ZNF438: variants seen among roughly 807,000 people sequenced by gnomAD.
ZNF438 encodes zinc finger protein 438.
Under a neutral mutation model 38.0 loss-of-function variants are expected in ZNF438, and 25 were observed. The observed-to-expected ratio is 0.66, with a 90% CI of 0.48 to 0.92. The LOEUF is 0.92. Among genes scored for constraint, ZNF438 ranks in the 40% least tolerant of loss-of-function variants. ZNF438 has a pLI of 0.00. For missense variants in ZNF438, 1,007 were observed against 999.6 expected, an observed-to-expected ratio of 1.01 and a Z score of -0.10; for synonymous variants, 372 against 364.1, an observed-to-expected ratio of 1.02 and a Z score of -0.25.
intron 1 of ZNF438, among the ~76,000 whole-genome samples, chr10:30,986,759 G>A (rs915243302): frequency 2.0e-5 from 3 of 152,162 alleles, no homozygotes; most frequent in East Asian, 3.9e-4. Flanking sequence ...TGAGGATTGT[G>A]TTGAGCATCA....
At chr10:31,009,456 T>C (rs1348279790) in intron 1 of ZNF438, among the ~76,000 whole-genome samples, 1 of 152,226 alleles carries the variant, frequency 6.6e-6, no homozygotes, top group African/African-American at 2.4e-5. Flanking sequence ...CTATCTATTA[T>C]ACAACCTAAC....
At chr10:30,874,054 A>G (rs2037925449) in intron 4 of ZNF438, among the ~76,000 whole-genome samples, 1 of 149,034 alleles carries the variant, frequency 6.7e-6, no homozygotes, top group East Asian at 1.9e-4. Flanking sequence ...AATTATGTAC[A>G]TGCAATTAAA....
At chr10:30,951,864 A>G (rs2048244256) in intron 1 of ZNF438, among the ~76,000 whole-genome samples, 2 of 151,726 alleles carry the variant, frequency 1.3e-5, no homozygotes, top group Non-Finnish European at 2.9e-5. Context: ...CCATCAAGCT[A>G]CCAATGCCTT....
chr10:30,879,192 T>C (rs1228512644), intron 3 of ZNF438, among the ~76,000 whole-genome samples: 1 of 152,150 alleles, frequency 6.6e-6, no homozygotes, highest in Admixed American at 6.5e-5. Flanking sequence ...ACGGGAATAT[T>C]GCCTGTTCCC....
chr10:31,030,567 C>T (rs1027420281), intron 1 of ZNF438, among the ~76,000 whole-genome samples: 2 of 152,166 alleles, frequency 1.3e-5, no homozygotes, highest in Admixed American at 1.3e-4. Flanking sequence ...AACAAAGTTC[C>T]AAGTTTGCGT....
At chr10:30,891,477 G>T (rs572210993) in intron 3 of ZNF438, among the ~76,000 whole-genome samples, 9 of 152,208 alleles carry the variant, frequency 5.9e-5, no homozygotes, top group African/African-American at 1.9e-4. Flanking sequence ...AAGTTTATTT[G>T]ATTTGTATAG....
chr10:30,977,164 C>T (rs1361705515), intron 1 of ZNF438, among the ~76,000 whole-genome samples: 1 of 152,158 alleles, frequency 6.6e-6, no homozygotes, highest in Admixed American at 6.5e-5. Context: ...CAAAAAGGAA[C>T]TCTTGGCATG....
intron 3 of ZNF438, among the ~76,000 whole-genome samples, chr10:30,894,229 A>C (rs1173379655): frequency 6.6e-6 from 1 of 152,250 alleles, no homozygotes; most frequent in Non-Finnish European, 1.5e-5. Context: ...CCAAAAGAAA[A>C]TAAAAAGGGA....
chr10:31,009,575 T>C (rs890380686), intron 1 of ZNF438, among the ~76,000 whole-genome samples: 2 of 152,214 alleles, frequency 1.3e-5, no homozygotes, highest in Non-Finnish European at 2.9e-5. Flanking sequence ...TCCATGAACA[T>C]GATCCAATCC....
At chr10:30,869,095 G>A (rs550609179) in intron 4 of ZNF438, among the ~76,000 whole-genome samples, 8 of 152,272 alleles carry the variant, frequency 5.3e-5, no homozygotes, top group Admixed American at 2.6e-4. Context: ...TATTTCGGCC[G>A]GCCACAGTGG....
intron 3 of ZNF438, among the ~76,000 whole-genome samples, chr10:30,895,860 TG>T (rs755666149): frequency 2.6e-4 from 40 of 152,164 alleles, no homozygotes; most frequent in Non-Finnish European, 1.6e-4. Context: ...TAACAAATGT[TG>T]GTGAGGATAT....
At position 30,925,135 on chromosome 10, in the gene ZNF438, G is replaced by C. The variant is rs562732104; in HGVS notation, c.-114-16120C>G. Reference sequence around the variant, plus strand: ...GACAATTAAGTCATTTGCCAATAATGACAGTGTTTTTCTCCTTTTCCATTC... The same window carrying C: ...GACAATTAAGTCATTTGCCAATAATCACAGTGTTTTTCTCCTTTTCCATTC... On this transcript the variant is annotated intron_variant, in intron 2 of 5. Transcript: ENST00000413025. Among the ~76,000 whole-genome samples, 235 of 152,214 alleles carry C rather than the reference G, an allele frequency of 1.5e-3. 1 individual carries two copies. Among genetic ancestry groups the C allele is most frequent in the African/African-American group, 5.5e-3 (228 of 41,548 alleles).
At chr10:30,944,908 G>C (rs1219112852) in intron 1 of ZNF438, among the ~76,000 whole-genome samples, 2 of 151,900 alleles carry the variant, frequency 1.3e-5, no homozygotes, top group East Asian at 1.9e-4. Context: ...AATGTTTCCT[G>C]TTTATTCTTA....
At chr10:30,917,924 T>C (rs1026264328) in intron 2 of ZNF438, among the ~76,000 whole-genome samples, 4 of 152,176 alleles carry the variant, frequency 2.6e-5, no homozygotes, top group Non-Finnish European at 5.9e-5. Flanking sequence ...TAAATTCGTA[T>C]GGCTTTAGCT....
At chr10:30,901,693 G>A (rs547307238) in intron 3 of ZNF438, among the ~76,000 whole-genome samples, 84 of 151,548 alleles carry the variant, frequency 5.5e-4, no homozygotes, top group African/African-American at 1.9e-3. Context: ...ACCGCTTGGC[G>A]ATAGGCGATG....
intron 3 of ZNF438, among the ~76,000 whole-genome samples, chr10:30,888,180 C>T (rs1037561476): frequency 1.1e-4 from 17 of 152,042 alleles, no homozygotes; most frequent in Admixed American, 1.3e-4. Flanking sequence ...CTATTAAGCA[C>T]GGACCACTTA....
Position 30,953,349 on chromosome 10 carries a change from A to G in ZNF438, c.-191-11698T>C, listed in dbSNP as rs3104000. On this transcript the variant is annotated intron_variant, in intron 1 of 5. Transcript: ENST00000413025. ...GCGCACCAGCGTGGCACATGTATAC[A>G]TATGTAACTAACCTGCACAATGTGC... is the stretch of plus-strand genomic sequence containing the variant. 2.3e-3 allele frequency among the ~76,000 whole-genome samples: 349 copies of G among 152,236 alleles called. 1 individual carries two copies. Among genetic ancestry groups the G allele is most frequent in the Non-Finnish European group, 4.1e-3 (277 of 68,008 alleles).
intron 2 of ZNF438, among the ~76,000 whole-genome samples, chr10:30,916,276 C>A (rs546005087): frequency 6.6e-6 from 1 of 151,972 alleles, no homozygotes; most frequent in Admixed American, 6.6e-5. Context: ...TTTTGCATAT[C>A]GTATTATTGC....
At chr10:30,950,471 G>C (rs373680898) in intron 1 of ZNF438, among the ~76,000 whole-genome samples, 1 of 150,174 alleles carries the variant, frequency 6.7e-6, no homozygotes, top group Admixed American at 6.6e-5. Context: ...CTGGTTTTTT[G>C]AAAGGATCAA....
Sources: gnomAD v4.1 joint callset for allele counts (sites outside exome capture counted in the v4.1 genomes callset) on GRCh38, gnomAD v4.1.1 for gene constraint, MANE v1.5 for transcripts, NCBI Gene and HGNC (gene_info 2026-07-23, HGNC 2026-07-21) for gene names.